Variants in NEK9 observed in about 807,000 individuals in gnomAD.
NEK9 encodes serine/threonine-protein kinase Nek9.
In NEK9, 75 loss-of-function variants were observed where a neutral mutation model predicts 123.4. That is an observed-to-expected ratio of 0.61 (90% confidence interval 0.50 to 0.74). The LOEUF is 0.74. Ranked by LOEUF, NEK9 falls within the 30% of genes least tolerant of loss-of-function variation. The pLI is 0.00. For missense variants in NEK9, 952 were observed against 1,214.4 expected (o/e 0.78, Z 3.21); for synonymous variants, 438 against 458.7 (o/e 0.95, Z 0.58).
chr14:75,107,098 C>T (rs1457926591), intron 11 of NEK9, among the ~76,000 whole-genome samples: 1 of 151,974 alleles, frequency 6.6e-6, no homozygotes, highest in Non-Finnish European at 1.5e-5. Flanking sequence ...TTTTTCCTGC[C>T]AACCACGACA....
intron 9 of NEK9, 70 bp downstream of exon 9, chr14:75,110,251 T>G: frequency 8.4e-7 from 1 of 1,188,350 alleles, no homozygotes; most frequent in South Asian, 1.3e-5. Flanking sequence ...AAATAATGCC[T>G]ACACTCAAGA....
In NEK9 at chr14:75,084,210, A is replaced by G. The variant is rs1019235859; in HGVS notation, c.*354T>C. ...AAGGCAGCTTCCAATCAATGGTGAA[A>G]ATGATACATGGGATATAAGCTGCTA... is the stretch of plus-strand genomic sequence containing the variant. On this transcript the variant is annotated 3_prime_UTR_variant, in exon 22 of 22. Coordinates refer to ENST00000238616, the MANE Select transcript of NEK9 (RefSeq NM_033116.6). 1 of 203,412 alleles carries G rather than the reference A, an allele frequency of 4.9e-6. No homozygotes were observed. The highest frequency in any genetic ancestry group is 5.2e-5 in the Admixed American group (1 of 19,270). 12.6% of individuals were successfully genotyped at this position (203,412 alleles called of 1,614,324 possible).
At chr14:75,126,288 C>T (rs574218768) in intron 1 of NEK9, among the ~76,000 whole-genome samples, 4 of 151,944 alleles carry the variant, frequency 2.6e-5, no homozygotes, top group Non-Finnish European at 4.4e-5. Context: ...CTCCTCACCC[C>T]GACCTTGGAG....
chr14:75,123,180 C>T (rs449130), intron 2 of NEK9, among the ~76,000 whole-genome samples: 60,053 of 151,320 alleles, frequency 0.4, 12,472 homozygotes, highest in Middle Eastern at 0.5. Flanking sequence ...GTGGGCGGAT[C>T]ACCTAAGGTC....
intron 3 of NEK9, 166 bp from the exon 4 acceptor site, chr14:75,120,746 G>C: frequency 1.7e-6 from 1 of 584,476 alleles, no homozygotes; most frequent in Non-Finnish European, 3.0e-6. Context: ...AAAGTGAAGG[G>C]GTAAAAAACC....
rs552939171 is a variant in NEK9, at chr14:75,106,989, C to A, written c.1328-287G>T. Reference sequence around the variant, plus strand: ...TTGTTATATAGATAAAAAAATAAGTCCCAAGGAATCATTAACTAAGTAATG... The same window carrying A: ...TTGTTATATAGATAAAAAAATAAGTACCAAGGAATCATTAACTAAGTAATG... On this transcript the variant is annotated intron_variant, in intron 11 of 21. Transcript: ENST00000238616. Among the ~76,000 whole-genome samples the A allele has an allele frequency of 3.9e-5, 6 of 152,100 alleles. No individual in the cohort carries two copies. In the South Asian group the frequency reaches 1.2e-3, roughly 32 times the overall value.
chr14:75,127,147 G>C, upstream of NEK9: 1 of 472,930 alleles, frequency 2.1e-6, no homozygotes. Context: ...AGCGGCCAAG[G>C]CTTCCCGCTT....
intron 14 of NEK9, among the ~76,000 whole-genome samples, chr14:75,102,416 C>T (rs778241182): frequency 2.6e-5 from 4 of 152,134 alleles, no homozygotes; most frequent in African/African-American, 7.2e-5. Context: ...GGCGCGGTCT[C>T]GGCTCACTGC....
Position 75,084,427 on chromosome 14 carries a change from A to G in NEK9, c.*137T>C. 1.0e-6 allele frequency: 1 copy of G among 966,896 alleles called. No individual in the cohort carries two copies. Among genetic ancestry groups the G allele is most frequent in the South Asian group, 1.5e-5 (1 of 64,742 alleles). 59.9% of individuals were successfully genotyped at this position (966,896 alleles called of 1,614,324 possible). On this transcript the variant is annotated 3_prime_UTR_variant, in exon 22 of 22. Coordinates refer to ENST00000238616, the MANE Select transcript of NEK9 (RefSeq NM_033116.6). ...AATGCCACTCTCCAAATGTACAAGGAAAGTGCTTCAGAGCCTCTGCCTTGC... is the reference window on the plus strand; with the variant it reads ...AATGCCACTCTCCAAATGTACAAGGGAAGTGCTTCAGAGCCTCTGCCTTGC...
chr14:75,106,831 T>A (rs181969191), intron 11 of NEK9, 129 bp from the exon 12 acceptor site: 131 of 682,822 alleles, frequency 1.9e-4, no homozygotes, highest in Non-Finnish European at 2.8e-4. Context: ...ATCCAAGAAA[T>A]TAAAAGGACA....
In NEK9 at chr14:75,086,968, G is replaced by T; in HGVS notation, c.2817+50C>A. On this transcript the variant is annotated intron_variant, in intron 21 of 21. Coordinates refer to ENST00000238616, the MANE Select transcript of NEK9 (RefSeq NM_033116.6). ...TCAGTACTTTGTGTTTTGTTTCTGT[G>T]ATTCTTCAAAACAGGCTTAGAAATT... 4 of 1,548,740 alleles carry T rather than the reference G, an allele frequency of 2.6e-6. No individual in the cohort carries two copies. In the South Asian group the frequency reaches 3.4e-5, roughly 13 times the overall value.
intron 18 of NEK9, among the ~76,000 whole-genome samples, chr14:75,093,537 C>T (rs972039708): frequency 2.0e-5 from 3 of 152,108 alleles, no homozygotes; most frequent in African/African-American, 7.2e-5. Context: ...CACTGCAACC[C>T]CTGCCTCCCA....
intron 17 of NEK9, among the ~76,000 whole-genome samples, chr14:75,096,218 A>G (rs1894376857): frequency 1.4e-5 from 2 of 141,776 alleles, no homozygotes; most frequent in East Asian, 4.8e-4. Flanking sequence ...GGGAGGATGC[A>G]GTGAGCTGAG....
Position 75,113,381 on chromosome 14 carries a change from G to A in NEK9, c.896C>T (p.Ala299Val), listed in dbSNP as rs955214895. Residue 299 changes from alanine to valine, a missense_variant, in exon 8 of 22, where the codon GCA becomes GTA. Ala to Val is a moderately conservative substitution (Grantham distance 64). This residue lies in a region of NEK9 where 698 missense variants were observed against 875.6 expected (regional missense o/e 0.80). Coordinates refer to ENST00000238616, the MANE Select transcript of NEK9 (RefSeq NM_033116.6). Reference protein sequence around the residue: ...LDQDPEQRPTADELLDRPLLR... With the variant: ...LDQDPEQRPTVDELLDRPLLR... Reference sequence around the variant, plus strand: ...AAGAGGGCGATCTAGAAGTTCATCTGCAGTAGGTCTCTGCTCAGGATCCTA... The same window carrying A: ...AAGAGGGCGATCTAGAAGTTCATCTACAGTAGGTCTCTGCTCAGGATCCTA... 7 of 1,613,646 alleles carry A rather than the reference G, an allele frequency of 4.3e-6. 1 individual carries two copies. The East Asian group carries it at 1.6e-4, about 36-fold the overall frequency.
intron 1 of NEK9, among the ~76,000 whole-genome samples, chr14:75,126,455 A>G (rs1361424700): frequency 6.6e-6 from 1 of 152,234 alleles, no homozygotes; most frequent in Non-Finnish European, 1.5e-5. Context: ...AGCCCATTTT[A>G]CAGATGGGGA....
chr14:75,107,426 C>G lies in NEK9; in HGVS notation c.1244G>C (p.Arg415Pro). 1 of 1,613,770 alleles carries G rather than the reference C, an allele frequency of 6.2e-7. No individual in the cohort carries two copies. Among genetic ancestry groups the G allele is most frequent in the Non-Finnish European group, 8.5e-7 (1 of 1,179,868 alleles). The change falls in exon 11 of 22, where the codon CGA becomes CCA. Residue 415 changes from arginine (R) to proline (P), a missense_variant. By Grantham distance (103) the Arg-to-Pro change is moderately radical (BLOSUM62 -2). Transcript: ENST00000238616. ...CAACTTTTCCACATGCTTTGGCTGT[C>G]GATAGGAGGCTTTGTCTCCATGGCC... ...QLGHGDKASY[R>P]QPKHVEKLQG...
At chr14:75,097,024 A>G (rs1445284604) in intron 17 of NEK9, 76 bp downstream of exon 17, 29 of 1,386,692 alleles carry the variant, frequency 2.1e-5, no homozygotes, top group Admixed American at 6.9e-5. Flanking sequence ...GTTTCCAACA[A>G]TGTGACTAAC....
At position 75,084,638 on chromosome 14, in the gene NEK9, T is replaced by C; in HGVS notation, c.2866A>G (p.Met956Val). Residue 956 changes from methionine (M) to valine (V), a missense_variant, in exon 22 of 22, where the codon ATG (methionine) becomes GTG (valine). Coordinates refer to ENST00000238616, the MANE Select transcript of NEK9 (RefSeq NM_033116.6). Reference protein sequence around the residue: ...GTQTAKEEMEMDPKPDLDSDS... With the variant: ...GTQTAKEEMEVDPKPDLDSDS... Reference sequence around the variant, plus strand: ...GAATCTAAGTCAGGCTTTGGATCCATTTCCATCTCTTCCTTTGCTGTCTGA... The same window carrying C: ...GAATCTAAGTCAGGCTTTGGATCCACTTCCATCTCTTCCTTTGCTGTCTGA... 6.2e-7 allele frequency: 1 copy of C among 1,614,150 alleles called. No individual in the cohort carries two copies. The highest frequency in any genetic ancestry group is 8.5e-7 in the Non-Finnish European group (1 of 1,180,000).
chr14:75,099,311 C>T (rs773954124), intron 16 of NEK9, among the ~76,000 whole-genome samples: 7 of 150,556 alleles, frequency 4.6e-5, no homozygotes, highest in Non-Finnish European at 8.9e-5. Context: ...GGTGACAGAG[C>T]GAGACTCTGT....
Sources: gnomAD v4.1 joint callset for allele counts (sites outside exome capture counted in the v4.1 genomes callset) on GRCh38, gnomAD v4.1.1 for gene constraint, gnomAD v4.1.1 regional missense constraint, MANE v1.5 for transcripts, NCBI Gene and HGNC (gene_info 2026-07-23, HGNC 2026-07-21) for gene names.